PHACTR1: variants seen among roughly 807,000 people sequenced by gnomAD.
The protein encoded by PHACTR1 is RPEL repeat containing 1.
Under a neutral mutation model 69.2 loss-of-function variants are expected in PHACTR1, and 16 were observed. The ratio of observed to expected loss-of-function variants is 0.23; its 90% CI spans 0.16 to 0.35. The LOEUF is 0.35. Ranked by LOEUF, PHACTR1 falls within the 10% of genes least tolerant of loss-of-function variation. The probability of loss-of-function intolerance (pLI) is 1.00; values close to 1 mark genes in which losing one functional copy is unlikely to be tolerated. For synonymous variants in PHACTR1, 312 were observed against 284.5 expected, an observed-to-expected ratio of 1.10 and a Z score of -0.97; for missense variants, 510 against 734.7, an observed-to-expected ratio of 0.69 and a Z score of 3.54.
At chr6:13,241,239 C>T (rs1772797544) in intron 10 of PHACTR1, among the ~76,000 whole-genome samples, 1 of 152,066 alleles carries the variant, frequency 6.6e-6, no homozygotes, top group Non-Finnish European at 1.5e-5. Flanking sequence ...CTTAACTGGG[C>T]TTTTTTATTG....
intron 13 of PHACTR1, among the ~76,000 whole-genome samples, chr6:13,284,541 A>AAAAAAAAAAAAT (rs1781114457): frequency 1.4e-5 from 1 of 73,992 alleles, no homozygotes; most frequent in African/African-American, 7.9e-5. Flanking sequence ...AAAAAAAAAA[A>AAAAAAAAAAAAT]AAATATATAT....
At chr6:13,118,881 C>G (rs1818222364) in intron 5 of PHACTR1, among the ~76,000 whole-genome samples, 1 of 152,168 alleles carries the variant, frequency 6.6e-6, no homozygotes, top group Non-Finnish European at 1.5e-5. Context: ...ACTAGACTCA[C>G]TTTTGGATGA....
chr6:13,017,179 C>CT (rs1179534857), intron 4 of PHACTR1, among the ~76,000 whole-genome samples: 6 of 97,416 alleles, frequency 6.2e-5, no homozygotes, highest in Non-Finnish European at 3.7e-5. Context: ...AAGTGAGACT[C>CT]TGTCTCAAAA....
At chr6:12,863,411 A>G (rs1311709023) in intron 4 of PHACTR1, among the ~76,000 whole-genome samples, 1 of 152,204 alleles carries the variant, frequency 6.6e-6, no homozygotes, top group Non-Finnish European at 1.5e-5. Flanking sequence ...ATGACCTCCT[A>G]TAAACCTGAT....
intron 10 of PHACTR1, among the ~76,000 whole-genome samples, chr6:13,264,499 C>T (rs191973392): frequency 5.1e-4 from 78 of 151,908 alleles, no homozygotes; most frequent in Middle Eastern, 3.4e-3. Flanking sequence ...GTGGGTGGAT[C>T]ACCTGAGGTC....
At chr6:13,269,911 G>A (rs959751602) in intron 10 of PHACTR1, among the ~76,000 whole-genome samples, 2 of 152,170 alleles carry the variant, frequency 1.3e-5, no homozygotes, top group African/African-American at 4.8e-5. Context: ...ACATTTCTGT[G>A]TGAGGCAGCT....
At chr6:12,788,937 G>C (rs577673910) in intron 4 of PHACTR1, among the ~76,000 whole-genome samples, 4 of 152,242 alleles carry the variant, frequency 2.6e-5, no homozygotes, top group African/African-American at 9.6e-5. Context: ...AGGAAGGTAG[G>C]AGCTGAAGTA....
intron 4 of PHACTR1, among the ~76,000 whole-genome samples, chr6:13,017,255 T>C (rs916960470): frequency 4.0e-5 from 6 of 150,802 alleles, no homozygotes; most frequent in African/African-American, 1.2e-4. Flanking sequence ...TACCATCAAG[T>C]TGATTTTTTT....
rs115201599 is a variant in PHACTR1 at position 12,920,707 on chromosome 6, C to A, written c.251-132658C>A. Among the ~76,000 whole-genome samples the A allele has an allele frequency of 6.9e-3, 1,046 of 152,320 alleles. 17 individuals are homozygous for A. Among genetic ancestry groups the A allele is most frequent in the African/African-American group, 0.024 (1,006 of 41,558 alleles). Reference sequence around the variant, plus strand: ...GTCATTATCAAAGTGCCCCTTTGAACAAGGCCAAGGCCAGGCCAAGGTGAA... The same window carrying A: ...GTCATTATCAAAGTGCCCCTTTGAAAAAGGCCAAGGCCAGGCCAAGGTGAA... On this transcript the variant is annotated intron_variant, in intron 4 of 14. Coordinates refer to ENST00000332995, the MANE Select transcript of PHACTR1 (RefSeq NM_030948.6).
chr6:13,092,351 G>C (rs1286911453), intron 5 of PHACTR1, among the ~76,000 whole-genome samples: 4 of 152,086 alleles, frequency 2.6e-5, no homozygotes, highest in Non-Finnish European at 5.9e-5. Flanking sequence ...AATATTTCTT[G>C]AACAGTTGTC....
chr6:12,921,751 GGAAGGAAGGAAGAAGGAAGGGAGAGAA>G (rs1787713803), intron 4 of PHACTR1, among the ~76,000 whole-genome samples: 4 of 118,068 alleles, frequency 3.4e-5, no homozygotes, highest in African/African-American at 9.3e-5. Flanking sequence ...GAGGAGGAAA[GGAAGGAAGGAAGAAGGAAGGGAGAGAA>G]ACAGGGAGGG....
intron 4 of PHACTR1, among the ~76,000 whole-genome samples, chr6:12,768,220 T>C (rs1768906018): frequency 6.9e-6 from 1 of 145,414 alleles, no homozygotes; most frequent in African/African-American, 2.5e-5. Context: ...GTTCACACCA[T>C]TCTCCTGCCT....
intron 8 of PHACTR1, among the ~76,000 whole-genome samples, chr6:13,216,033 T>G (rs908241407): frequency 6.6e-6 from 1 of 152,228 alleles, no homozygotes; most frequent in Non-Finnish European, 1.5e-5. Flanking sequence ...TCTTATAATG[T>G]CCCCTTTTTA....
chr6:12,786,151 A>G (rs568429248), intron 4 of PHACTR1, among the ~76,000 whole-genome samples: 1 of 152,340 alleles, frequency 6.6e-6, no homozygotes, highest in African/African-American at 2.4e-5. Flanking sequence ...GCCTAGCCAG[A>G]TAGCTTTTTG....
chr6:12,799,569 T>C (rs1773465521), intron 4 of PHACTR1, among the ~76,000 whole-genome samples: 1 of 152,224 alleles, frequency 6.6e-6, no homozygotes. Flanking sequence ...TACATTTCTT[T>C]TGGGTTGGAC....
At chr6:13,042,167 TAGAG>T (rs1403085910) in intron 4 of PHACTR1, among the ~76,000 whole-genome samples, 3 of 152,216 alleles carry the variant, frequency 2.0e-5, no homozygotes, top group Non-Finnish European at 4.4e-5. Context: ...TAGTCATATA[TAGAG>T]AAACAAATGA....
chr6:13,067,579 C>T (rs1459850506), intron 5 of PHACTR1, among the ~76,000 whole-genome samples: 1 of 152,134 alleles, frequency 6.6e-6, no homozygotes, highest in Admixed American at 6.5e-5. Context: ...TTTGTATGAA[C>T]CCCACAGTAT....
At chr6:12,947,339 T>G (rs1790796962) in intron 4 of PHACTR1, among the ~76,000 whole-genome samples, 1 of 120,128 alleles carries the variant, frequency 8.3e-6, no homozygotes, top group Non-Finnish European at 1.8e-5. Flanking sequence ...ATAACTATTC[T>G]GCTTTTTTTT....
At chr6:13,064,549 T>C (rs1479649655) in intron 5 of PHACTR1, among the ~76,000 whole-genome samples, 127 of 1,264 alleles carry the variant, frequency 0.1, 2 homozygotes, top group Non-Finnish European at 0.2. Context: ...AGGGAAAAGA[T>C]ATATATATAT....
Sources: gnomAD v4.1 joint callset for allele counts (sites outside exome capture counted in the v4.1 genomes callset) on GRCh38, gnomAD v4.1.1 for gene constraint, MANE v1.5 for transcripts, NCBI Gene and HGNC (gene_info 2026-07-23, HGNC 2026-07-21) for gene names.